The following FAM124A variants were observed in gnomAD, a reference collection of about 807,000 sequenced individuals.
FAM124A encodes the protein family with sequence similarity 124 member A.
A neutral mutation model predicts 24.5 loss-of-function variants in FAM124A; 23 were observed. That is an observed-to-expected ratio of 0.94 (90% CI 0.68 to 1.33). The LOEUF (loss-of-function observed/expected upper bound fraction) is 1.33. Among genes scored for constraint, FAM124A ranks in the 40% most tolerant of loss-of-function variants. The pLI, the probability that FAM124A is intolerant of heterozygous loss-of-function variation, is 0.00. For missense variants in FAM124A, 623 were observed against 722.8 expected (o/e 0.86, Z 1.58); for synonymous variants, 287 against 314.7 (o/e 0.91, Z 0.93).
intron 2 of FAM124A, among the ~76,000 whole-genome samples, chr13:51,240,874 A>G (rs929170250): frequency 1.3e-5 from 2 of 152,198 alleles, no homozygotes; most frequent in African/African-American, 4.8e-5. Flanking sequence ...GGTTCAATCC[A>G]TGATCCTTTC....
chr13:51,246,400 G>A (rs752149143), intron 2 of FAM124A, among the ~76,000 whole-genome samples: 1 of 107,116 alleles, frequency 9.3e-6, no homozygotes, highest in Admixed American at 1.0e-4. Flanking sequence ...TGTTTCTCGT[G>A]GGGTGGGGGG....
chr13:51,251,408 A>C lies in FAM124A; in HGVS notation c.101-60A>C. On this transcript the variant is annotated intron_variant, in intron 2 of 3. Coordinates refer to ENST00000322475, the MANE Select transcript of FAM124A (RefSeq NM_001242312.2). The surrounding 1 kb of genome is among the most constrained non-coding windows in gnomAD (Gnocchi z 5.3). Reference sequence around the variant, plus strand: ...AAGCCTGTACACGTCATCACTGGACACTTTAATGAAATAATCATAATTGTA... The same window carrying C: ...AAGCCTGTACACGTCATCACTGGACCCTTTAATGAAATAATCATAATTGTA... The C allele has an allele frequency of 1.4e-6, 2 of 1,472,024 alleles. No homozygotes were observed. Among genetic ancestry groups the C allele is most frequent in the Non-Finnish European group, 1.8e-6 (2 of 1,110,636 alleles). The allele number at this position is 1,472,024 out of a possible 1,614,324, so 91.2% of individuals were successfully genotyped here. A position where few individuals can be genotyped will look rare whatever the true frequency, so the allele number is the denominator to read the frequency against.
Position 51,231,382 on chromosome 13 carries a change from A to G in FAM124A, c.100+3A>G. On this transcript the variant is annotated splice_donor_region_variant and intron_variant, in intron 2 of 3. Coordinates refer to ENST00000322475, the MANE Select transcript of FAM124A (RefSeq NM_001242312.2). ...CAGCCACCTGTCCTCCACGAGCAGT[A>G]AGTATCTTTTAAACATCCTTCAGCA... 1 of 1,613,904 alleles carries G rather than the reference A, an allele frequency of 6.2e-7. No homozygotes were observed. Among genetic ancestry groups the G allele is most frequent in the East Asian group, 2.2e-5 (1 of 44,874 alleles).
Position 51,281,308 on chromosome 13 carries a change from G to T in FAM124A, c.*52G>T, listed in dbSNP as rs755706266. 2.7e-6 allele frequency: 4 copies of T among 1,491,032 alleles called. No individual in the cohort carries two copies. In the South Asian group the frequency reaches 5.3e-5, roughly 20 times the overall value. The allele number at this position is 1,491,032 out of a possible 1,614,324, so 92.4% of individuals were successfully genotyped here. A position where few individuals can be genotyped will look rare whatever the true frequency, so the allele number is the denominator to read the frequency against. On this transcript the variant is annotated 3_prime_UTR_variant, in exon 4 of 4. Coordinates refer to ENST00000322475, the MANE Select transcript of FAM124A (RefSeq NM_001242312.2). ...ACACAAACTCAGAGACACAGACTCAGGCCCCACTGCCCCTCTGGCCACTGA... is the reference window on the plus strand; with the variant it reads ...ACACAAACTCAGAGACACAGACTCATGCCCCACTGCCCCTCTGGCCACTGA...
chr13:51,280,855 G>C lies in FAM124A; in HGVS notation c.1240G>C (p.Val414Leu). ...DDLEGAQETD[V>L]DTGLRLSSSD... ...CCTAGAGGGGGCCCAGGAGACAGAC[G>C]TGGACACAGGCCTGCGGCTGTCCTC... Residue 414 changes from valine to leucine, a missense_variant, in exon 4 of 4, where the codon GTG (valine) becomes CTG (leucine). By Grantham distance (32) the Val-to-Leu change is conservative. Coordinates refer to ENST00000322475, the MANE Select transcript of FAM124A (RefSeq NM_001242312.2). 6.2e-7 allele frequency: 1 copy of C among 1,614,138 alleles called. No individual in the cohort carries two copies. The highest frequency in any genetic ancestry group is 8.5e-7 in the Non-Finnish European group (1 of 1,180,032).
In FAM124A at chr13:51,272,013, A is replaced by G. The variant is rs1489140748; in HGVS notation, c.835-8437A>G. On this transcript the variant is annotated intron_variant, in intron 3 of 3. Coordinates refer to ENST00000322475, the MANE Select transcript of FAM124A (RefSeq NM_001242312.2). This position sits in a 1 kb window ranked among gnomAD's most constrained non-coding sequence, Gnocchi z 4.2. ...TTTTGAGTTTTCGTAATCCATTTTT[A>G]TTATGTCAAGTAGTCGGGGCTCACT... 6.6e-6 allele frequency among the ~76,000 whole-genome samples: 1 copy of G among 152,138 alleles called. No individual in the cohort carries two copies. Among genetic ancestry groups the G allele is most frequent in the Non-Finnish European group, 1.5e-5 (1 of 68,026 alleles).
intron 1 of FAM124A, chr13:51,225,440 T>C (rs867477264): frequency 6.6e-6 from 1 of 152,224 alleles, no homozygotes; most frequent in South Asian, 2.1e-4. Context: ...CCTCGAATCC[T>C]TCAACAACTC....
At chr13:51,232,489 G>T (rs1954388459) in intron 2 of FAM124A, among the ~76,000 whole-genome samples, 1 of 152,058 alleles carries the variant, frequency 6.6e-6, no homozygotes, top group Non-Finnish European at 1.5e-5. Context: ...GTTTTCCTTT[G>T]CAATAACAGA....
chr13:51,276,003 C>T (rs1954882843), intron 3 of FAM124A, among the ~76,000 whole-genome samples: 1 of 152,174 alleles, frequency 6.6e-6, no homozygotes, highest in East Asian at 1.9e-4. Context: ...ACTGGGAGCA[C>T]CATGTAAAGT....
chr13:51,239,829 T>C (rs182920194), intron 2 of FAM124A, among the ~76,000 whole-genome samples: 1 of 151,598 alleles, frequency 6.6e-6, no homozygotes, highest in East Asian at 2.1e-4. Flanking sequence ...GATAGATACA[T>C]ATGTAGATAG....
intron 2 of FAM124A, among the ~76,000 whole-genome samples, chr13:51,237,705 C>G (rs1028852858): frequency 6.6e-5 from 10 of 152,224 alleles, no homozygotes; most frequent in African/African-American, 2.4e-4. Context: ...AGTCTGTCTT[C>G]TTCTGTGGCT....
rs549522138 is a variant in FAM124A at position 51,251,188 on chromosome 13, A to G, written c.101-280A>G. Among the ~76,000 whole-genome samples the G allele has an allele frequency of 1.3e-5, 2 of 152,180 alleles. No individual in the cohort carries two copies. The highest frequency in any genetic ancestry group is 2.9e-5 in the Non-Finnish European group (2 of 68,024). ...GTAAATATAAAGTCAAATGTTCCCT[A>G]TACCAACCAACCTGATGAAATACAG... is the stretch of plus-strand genomic sequence containing the variant. On this transcript the variant is annotated intron_variant, in intron 2 of 3. Coordinates refer to ENST00000322475, the MANE Select transcript of FAM124A (RefSeq NM_001242312.2). The surrounding 1 kb of genome is among the most constrained non-coding windows in gnomAD (Gnocchi z 5.3).
rs1954703041 is a variant in FAM124A, at chr13:51,258,937, C to T, written c.834+6736C>T. 6.6e-6 allele frequency among the ~76,000 whole-genome samples: 1 copy of T among 152,166 alleles called. No homozygotes were observed. Among genetic ancestry groups the T allele is most frequent in the Non-Finnish European group, 1.5e-5 (1 of 68,034 alleles). Reference sequence around the variant, plus strand: ...GCTGGGGCAGATGCTGTTCCGGGGGCACTGGGGAGCCCCAGGGAGCAGAAG... The same window carrying T: ...GCTGGGGCAGATGCTGTTCCGGGGGTACTGGGGAGCCCCAGGGAGCAGAAG... On this transcript the variant is annotated intron_variant, in intron 3 of 3. Coordinates refer to ENST00000322475, the MANE Select transcript of FAM124A (RefSeq NM_001242312.2). The surrounding 1 kb of genome is among the most constrained non-coding windows in gnomAD (Gnocchi z 4.2).
At chr13:51,226,254 C>T (rs1033783157) in intron 1 of FAM124A, among the ~76,000 whole-genome samples, 2 of 152,030 alleles carry the variant, frequency 1.3e-5, no homozygotes, top group African/African-American at 4.8e-5. Context: ...CCACCTTGGC[C>T]TCCCAAAGCA....
At chr13:51,243,678 C>T (rs887160488) in intron 2 of FAM124A, among the ~76,000 whole-genome samples, 5 of 152,130 alleles carry the variant, frequency 3.3e-5, no homozygotes, top group East Asian at 1.9e-4. Flanking sequence ...GGACTACAGG[C>T]GCCCGCCACC....
intron 3 of FAM124A, among the ~76,000 whole-genome samples, chr13:51,277,566 G>A (rs778825556): frequency 6.6e-6 from 1 of 152,198 alleles, no homozygotes; most frequent in Non-Finnish European, 1.5e-5. Flanking sequence ...AGGCCGAGGC[G>A]GGTGGACCAC....
intron 3 of FAM124A, among the ~76,000 whole-genome samples, chr13:51,254,900 G>A (rs147481799): frequency 5.3e-4 from 81 of 152,204 alleles, no homozygotes; most frequent in African/African-American, 1.8e-3. Context: ...TAAATATACA[G>A]CTCAGTGAAT....
chr13:51,242,218 A>T (rs576479005), intron 2 of FAM124A, among the ~76,000 whole-genome samples: 17 of 152,300 alleles, frequency 1.1e-4, no homozygotes, highest in African/African-American at 4.1e-4. Flanking sequence ...TGACTTTCTC[A>T]GGATGACTTT....
At chr13:51,279,854 T>G (rs764960508) in intron 3 of FAM124A, among the ~76,000 whole-genome samples, 5 of 152,204 alleles carry the variant, frequency 3.3e-5, no homozygotes, top group Admixed American at 3.3e-4. Context: ...CTAACCCCGA[T>G]AGCCCCTCAC....
Sources: allele counts gnomAD v4.1 joint callset (sites outside exome capture counted in the v4.1 genomes callset), GRCh38; gene constraint gnomAD v4.1.1; non-coding constraint Gnocchi (gnomAD v3.1); transcripts MANE v1.5; gene names NCBI Gene and HGNC (gene_info 2026-07-23, HGNC 2026-07-21).